Variants in CTNNAL1 observed in about 807,000 individuals in gnomAD.
CTNNAL1 encodes alpha-catulin.
A neutral mutation model predicts 93.6 loss-of-function variants in CTNNAL1; 69 were observed. The observed-to-expected ratio is 0.74, with a 90% CI of 0.61 to 0.90. The LOEUF (loss-of-function observed/expected upper bound fraction) is 0.90, where lower values mean the gene tolerates loss of function less well. CTNNAL1 is among the 40% of genes least tolerant of loss of function. CTNNAL1 has a pLI of 0.00. For synonymous variants in CTNNAL1, 286 were observed against 305.4 expected (o/e 0.94, Z 0.66); for missense variants, 836 against 862.0 (o/e 0.97, Z 0.38).
At chr9:108,965,326 C>T in intron 11 of CTNNAL1, 52 bp downstream of exon 11, 3 of 1,306,866 alleles carry the variant, frequency 2.3e-6, no homozygotes, top group Non-Finnish European at 3.0e-6. Context: ...AAAAAACTAA[C>T]AAGAGTTACA....
intron 8 of CTNNAL1, among the ~76,000 whole-genome samples, chr9:108,975,916 T>A (rs1244393389): frequency 6.6e-6 from 1 of 152,084 alleles, no homozygotes; most frequent in African/African-American, 2.4e-5. Context: ...AACCTGAGAG[T>A]GGCCAACTAA....
intron 7 of CTNNAL1, 176 bp from the exon 8 acceptor site, chr9:108,977,224 T>A: frequency 2.7e-6 from 1 of 372,990 alleles, no homozygotes; most frequent in Admixed American, 4.6e-5. Flanking sequence ...TCAGTTTAGT[T>A]ATATTTTTCA....
intron 3 of CTNNAL1, among the ~76,000 whole-genome samples, chr9:108,991,299 A>C (rs920644630): frequency 1.9e-4 from 29 of 152,114 alleles, no homozygotes; most frequent in African/African-American, 7.0e-4. Flanking sequence ...GAACCTCATC[A>C]TCTTCAGAGT....
intron 14 of CTNNAL1, among the ~76,000 whole-genome samples, chr9:108,949,298 T>C (rs180822884): frequency 1.3e-5 from 2 of 152,334 alleles, no homozygotes; most frequent in African/African-American, 4.8e-5. Flanking sequence ...CAACCCCTCA[T>C]GTTTCCCAGT....
chr9:108,984,021 T>C (rs1831522323), intron 5 of CTNNAL1, among the ~76,000 whole-genome samples: 1 of 152,234 alleles, frequency 6.6e-6, no homozygotes, highest in Non-Finnish European at 1.5e-5. Context: ...GTCTAGCTTT[T>C]TCTAGAGCAT....
At chr9:108,986,441 G>T (rs1831610798) in intron 4 of CTNNAL1, among the ~76,000 whole-genome samples, 1 of 150,010 alleles carries the variant, frequency 6.7e-6, no homozygotes, top group African/African-American at 2.4e-5. Flanking sequence ...TGGACATTTG[G>T]GTTGGTTCCA....
chr9:108,979,752 G>A (rs1416986504), intron 6 of CTNNAL1, among the ~76,000 whole-genome samples: 1 of 152,202 alleles, frequency 6.6e-6, no homozygotes, highest in Non-Finnish European at 1.5e-5. Context: ...GGCAGAAAGA[G>A]CATCATCCTC....
At chr9:108,945,628 G>GT (rs11287261) in intron 15 of CTNNAL1, among the ~76,000 whole-genome samples, 20 of 140,432 alleles carry the variant, frequency 1.4e-4, no homozygotes, top group South Asian at 2.2e-4. Context: ...TGCCCCGCTA[G>GT]TTTTTTTTTT....
rs754611985 is a variant in CTNNAL1, at chr9:108,990,746, G to C, written c.619C>G (p.Leu207Val). 7 of 1,613,224 alleles carry C rather than the reference G, an allele frequency of 4.3e-6. No homozygotes were observed. In the Admixed American group the frequency reaches 1.2e-4, roughly 27 times the overall value. The change falls in exon 4 of 19, where the codon CTG becomes GTG. Residue 207 changes from leucine to valine, a missense_variant. Physicochemically the swap from Leu to Val is conservative, Grantham distance 32. Transcript: ENST00000325551. Reference sequence around the variant, plus strand: ...CATACATTTTGTCTATCTCCACTCAGATGTGCAAACTCCACCATTTCATTT... The same window carrying C: ...CATACATTTTGTCTATCTCCACTCACATGTGCAAACTCCACCATTTCATTT... Reference protein sequence around the residue: ...FGNEMVEFAHLSGDRQNDLKD... With the variant: ...FGNEMVEFAHVSGDRQNDLKD...
chr9:109,008,156 T>C (rs1032506811), intron 1 of CTNNAL1, among the ~76,000 whole-genome samples: 3 of 139,566 alleles, frequency 2.1e-5, no homozygotes, highest in South Asian at 2.4e-4. Context: ...ATCTTTCTTT[T>C]TTTTTTTTTT....
intron 4 of CTNNAL1, 115 bp downstream of exon 4, chr9:108,990,611 G>C: frequency 1.5e-6 from 2 of 1,291,312 alleles, no homozygotes; most frequent in Admixed American, 3.1e-5. Flanking sequence ...TCAAGACCAA[G>C]GCTATAGACT....
intron 2 of CTNNAL1, among the ~76,000 whole-genome samples, chr9:108,997,309 C>A (rs1832059821): frequency 6.6e-6 from 1 of 152,198 alleles, no homozygotes; most frequent in Non-Finnish European, 1.5e-5. Flanking sequence ...CTTGGCCTAG[C>A]TGGTTTTACC....
At chr9:108,961,462 T>C (rs940514355) in intron 11 of CTNNAL1, among the ~76,000 whole-genome samples, 2 of 152,194 alleles carry the variant, frequency 1.3e-5, no homozygotes, top group Non-Finnish European at 1.5e-5. Context: ...ACATAAACCC[T>C]TCCTGAACAG....
At position 108,984,222 on chromosome 9, in the gene CTNNAL1, A is replaced by C. The variant is rs1187730170; in HGVS notation, c.729+125T>G. ...TATAAATAATAACTGAGATTTAACT[A>C]TTCAGGCCTATGTTCTAAGTAATCA... On this transcript the variant is annotated intron_variant, in intron 5 of 18. Coordinates refer to ENST00000325551, the MANE Select transcript of CTNNAL1 (RefSeq NM_003798.4). 4 of 597,832 alleles carry C rather than the reference A, an allele frequency of 6.7e-6. No homozygotes were observed. The African/African-American group carries it at 7.5e-5, about 11-fold the overall frequency. The allele number at this position is 597,832 out of a possible 1,614,324, so 37.0% of individuals were successfully genotyped here.
intron 1 of CTNNAL1, among the ~76,000 whole-genome samples, chr9:109,005,818 T>C (rs1827007692): frequency 6.6e-6 from 1 of 152,226 alleles, no homozygotes; most frequent in Non-Finnish European, 1.5e-5. Context: ...TGAACTATTG[T>C]TCCGTTCCAA....
chr9:108,967,883 T>A (rs941811327), intron 10 of CTNNAL1, among the ~76,000 whole-genome samples: 11 of 152,208 alleles, frequency 7.2e-5, no homozygotes, highest in African/African-American at 2.7e-4. Context: ...ATTAATATGA[T>A]CAGGGCCATG....
intron 8 of CTNNAL1, among the ~76,000 whole-genome samples, chr9:108,976,439 T>C (rs572903504): frequency 2.0e-4 from 31 of 152,352 alleles, no homozygotes; most frequent in Middle Eastern, 3.4e-3. Flanking sequence ...TTTATTATTA[T>C]GAATAAAGTG....
intron 1 of CTNNAL1, among the ~76,000 whole-genome samples, chr9:109,007,610 A>C (rs1292359137): frequency 2.6e-5 from 4 of 152,202 alleles, no homozygotes; most frequent in African/African-American, 4.8e-5. Flanking sequence ...GGAGGTGGGG[A>C]GGTACTCTAC....
At chr9:108,996,859 A>G (rs142291720) in intron 2 of CTNNAL1, among the ~76,000 whole-genome samples, 2,728 of 152,282 alleles carry the variant, frequency 0.018, 32 homozygotes, top group Non-Finnish European at 0.025. Flanking sequence ...CAGGAAAAAA[A>G]GTCTCTCCTC....
Sources: gnomAD v4.1 joint callset for allele counts (sites outside exome capture counted in the v4.1 genomes callset) on GRCh38, gnomAD v4.1.1 for gene constraint, MANE v1.5 for transcripts, NCBI Gene and HGNC (gene_info 2026-07-23, HGNC 2026-07-21) for gene names.